MEIS2: variants seen among roughly 807,000 people sequenced by gnomAD.
MEIS2 encodes the protein Meis homeobox 2.
MEIS2 carries 9 observed loss-of-function variants against 58.6 expected under a neutral mutation model. The observed-to-expected ratio is 0.15, with a 90% confidence interval of 0.09 to 0.27. The LOEUF (loss-of-function observed/expected upper bound fraction) is 0.27, where lower values mean the gene tolerates loss of function less well. Ranked by LOEUF, MEIS2 falls within the 10% of genes least tolerant of loss-of-function variation. The pLI is 1.00. For missense variants in MEIS2, 427 were observed against 635.0 expected (o/e 0.67, Z 3.52); for synonymous variants, 221 against 228.4 (o/e 0.97, Z 0.29).
intron 8 of MEIS2, among the ~76,000 whole-genome samples, chr15:36,961,001 T>C (rs1438400582): frequency 6.6e-6 from 1 of 152,124 alleles, no homozygotes; most frequent in African/African-American, 2.4e-5. Flanking sequence ...CACAGTTTTA[T>C]CTTATCAATT....
chr15:37,025,354 A>G (rs2061666149), intron 8 of MEIS2, among the ~76,000 whole-genome samples: 1 of 152,202 alleles, frequency 6.6e-6, no homozygotes, highest in African/African-American at 2.4e-5. Flanking sequence ...CCAGGGAGCA[A>G]AAGGCTGTGC....
intron 8 of MEIS2, among the ~76,000 whole-genome samples, chr15:36,989,391 T>C (rs1214243087): frequency 1.3e-5 from 2 of 152,192 alleles, no homozygotes; most frequent in Admixed American, 1.3e-4. Context: ...TATTCGCGTT[T>C]GAAAATACAA....
chr15:37,014,037 T>A (rs2061258704), intron 8 of MEIS2, among the ~76,000 whole-genome samples: 1 of 152,158 alleles, frequency 6.6e-6, no homozygotes, highest in Non-Finnish European at 1.5e-5. Context: ...CAAGATGAAA[T>A]TTTGGAGGCT....
chr15:37,074,998 A>G (rs1345043849), intron 7 of MEIS2, among the ~76,000 whole-genome samples: 1 of 152,058 alleles, frequency 6.6e-6, no homozygotes, highest in Non-Finnish European at 1.5e-5. Context: ...AAAATCGACA[A>G]CAGGAGGTGG....
In MEIS2 at chr15:37,099,761, C is replaced by T; in HGVS notation, c.-295G>A. ...TCCCCCCTCCCCTCCTCCTCCTCTTCGGTCCTCCTTTCCCCCTCTTTCTCT... is the reference window on the plus strand; with the variant it reads ...TCCCCCCTCCCCTCCTCCTCCTCTTTGGTCCTCCTTTCCCCCTCTTTCTCT... On this transcript the variant is annotated 5_prime_UTR_variant, in exon 1 of 12. Coordinates refer to ENST00000561208, the MANE Select transcript of MEIS2 (RefSeq NM_170675.5). 1.2e-5 allele frequency: 4 copies of T among 346,500 alleles called. No homozygotes were observed. Among genetic ancestry groups the T allele is most frequent in the Non-Finnish European group, 1.5e-5 (3 of 196,666 alleles). The allele number at this position is 346,500 out of a possible 1,614,324, so 21.5% of individuals were successfully genotyped here.
intron 8 of MEIS2, among the ~76,000 whole-genome samples, chr15:36,970,376 C>A (rs1044695445): frequency 6.6e-6 from 1 of 151,132 alleles, no homozygotes. Flanking sequence ...TGCACTCCAG[C>A]CTGGGCGACA....
chr15:37,006,563 C>T (rs1275746359), intron 8 of MEIS2, among the ~76,000 whole-genome samples: 3 of 152,194 alleles, frequency 2.0e-5, no homozygotes, highest in African/African-American at 7.2e-5. Flanking sequence ...CCTATCTTGT[C>T]CCTGTTCTCT....
chr15:37,035,953 T>C (rs138279453), intron 8 of MEIS2, among the ~76,000 whole-genome samples: 17 of 152,368 alleles, frequency 1.1e-4, no homozygotes, highest in African/African-American at 4.1e-4. Context: ...TAGAATGGCC[T>C]GAAAACAATA....
intron 6 of MEIS2, among the ~76,000 whole-genome samples, chr15:37,092,693 A>G (rs1236244497): frequency 1.9e-5 from 1 of 51,900 alleles, no homozygotes; most frequent in Non-Finnish European, 3.7e-5. Flanking sequence ...CTCACTACAT[A>G]TGCTTTTTTT....
intron 7 of MEIS2, among the ~76,000 whole-genome samples, chr15:37,059,919 T>G (rs1888967635): frequency 1.0e-5 from 1 of 99,766 alleles, no homozygotes. Flanking sequence ...CCAGCGAGAG[T>G]CTGTCTCAAA....
chr15:36,912,504 A>G (rs958384990), intron 9 of MEIS2, among the ~76,000 whole-genome samples: 2 of 152,210 alleles, frequency 1.3e-5, no homozygotes, highest in Non-Finnish European at 2.9e-5. Flanking sequence ...AAATCAAACA[A>G]ACAAAGCAAA....
At chr15:36,992,411 G>A (rs1350437821) in intron 8 of MEIS2, among the ~76,000 whole-genome samples, 1 of 152,088 alleles carries the variant, frequency 6.6e-6, no homozygotes, top group Non-Finnish European at 1.5e-5. Flanking sequence ...TTTTGAAATA[G>A]TGCCTCAATG....
intron 9 of MEIS2, among the ~76,000 whole-genome samples, chr15:36,941,041 ATTC>A (rs1369800829): frequency 3.9e-5 from 6 of 152,012 alleles, no homozygotes; most frequent in Non-Finnish European, 8.8e-5. Flanking sequence ...CTCCCCCTCC[ATTC>A]TTCTTCTGCA....
chr15:36,977,439 T>A (rs1302565301), intron 8 of MEIS2, among the ~76,000 whole-genome samples: 4 of 152,128 alleles, frequency 2.6e-5, no homozygotes, highest in Non-Finnish European at 5.9e-5. Flanking sequence ...GTTTTTGACA[T>A]CAAAGAGAAT....
chr15:36,988,812 C>T (rs1053900935), intron 8 of MEIS2, among the ~76,000 whole-genome samples: 11 of 152,136 alleles, frequency 7.2e-5, no homozygotes, highest in Admixed American at 7.2e-4. Flanking sequence ...CTAAGAATTT[C>T]TGAAGCATTT....
At chr15:37,093,365 G>T (rs1893790541) in intron 6 of MEIS2, among the ~76,000 whole-genome samples, 1 of 152,148 alleles carries the variant, frequency 6.6e-6, no homozygotes, top group Non-Finnish European at 1.5e-5. Flanking sequence ...ATCAACTCTG[G>T]TTTTTTGGCT....
At chr15:37,020,017 T>C (rs989890090) in intron 8 of MEIS2, among the ~76,000 whole-genome samples, 1 of 152,140 alleles carries the variant, frequency 6.6e-6, no homozygotes, top group African/African-American at 2.4e-5. Context: ...TAGAGAGCCC[T>C]ACGAGGACTC....
chr15:37,000,934 C>T (rs1280320509), intron 8 of MEIS2, among the ~76,000 whole-genome samples: 1 of 152,154 alleles, frequency 6.6e-6, no homozygotes, highest in Admixed American at 6.5e-5. Flanking sequence ...TCCCTTCTTG[C>T]AATCTGGCTT....
rs762892103 is a variant in MEIS2, at chr15:37,036,793, T to C, written c.900+21A>G. ...CAAAACAACAAAAACTATTTTTTTT[T>C]TCTCTTTCATCTTGACTTACTGTGA... On this transcript the variant is annotated intron_variant, in intron 8 of 11. Transcript: ENST00000561208. 38 of 1,602,846 alleles carry C rather than the reference T, an allele frequency of 2.4e-5. 1 individual carries two copies. The highest frequency in any genetic ancestry group is 4.1e-5 in the African/African-American group (3 of 73,980).
Sources: allele counts gnomAD v4.1 joint callset (sites outside exome capture counted in the v4.1 genomes callset), GRCh38; gene constraint gnomAD v4.1.1; transcripts MANE v1.5; gene names NCBI Gene and HGNC (gene_info 2026-07-23, HGNC 2026-07-21).